The following KIAA1217 variants were observed in gnomAD, a reference collection of about 807,000 sequenced individuals.
KIAA1217 encodes the protein sickle tail protein homolog.
Under a neutral mutation model 163.9 loss-of-function variants are expected in KIAA1217, and 88 were observed. The ratio of observed to expected loss-of-function variants is 0.54; its 90% confidence interval spans 0.45 to 0.64. The LOEUF (loss-of-function observed/expected upper bound fraction) is 0.64. Among genes scored for constraint, KIAA1217 ranks in the 30% least tolerant of loss-of-function variants. KIAA1217 has a pLI of 0.00. For missense variants in KIAA1217, 2,372 were observed against 2,475.0 expected (o/e 0.96, Z 0.88); for synonymous variants, 903 against 923.1 (o/e 0.98, Z 0.39).
chr10:24,008,991 A>G (rs1847130724), intron 2 of KIAA1217, among the ~76,000 whole-genome samples: 1 of 152,194 alleles, frequency 6.6e-6, no homozygotes, highest in Non-Finnish European at 1.5e-5. Context: ...GAGATCAAAG[A>G]GTCAACCTTT....
intron 8 of KIAA1217, 43 bp from the exon 9 acceptor site, chr10:24,501,336 T>C: frequency 1.3e-6 from 2 of 1,578,418 alleles, no homozygotes; most frequent in South Asian, 1.1e-5. Flanking sequence ...GCTTAGACTT[T>C]CCTTTGTGGC....
chr10:23,777,261 TG>T (rs1835046837), intron 1 of KIAA1217, among the ~76,000 whole-genome samples: 1 of 152,240 alleles, frequency 6.6e-6, no homozygotes, highest in Non-Finnish European at 1.5e-5. Context: ...TATACAAGCC[TG>T]GTTTATGTGT....
intron 1 of KIAA1217, among the ~76,000 whole-genome samples, chr10:23,823,424 C>T (rs1189959185): frequency 6.6e-6 from 1 of 152,200 alleles, no homozygotes; most frequent in South Asian, 2.1e-4. Context: ...CTGACTTCCT[C>T]TTTTGCTGCA....
chr10:24,052,724 T>G (rs541821337), intron 2 of KIAA1217, among the ~76,000 whole-genome samples: 1 of 152,290 alleles, frequency 6.6e-6, no homozygotes, highest in African/African-American at 2.4e-5. Flanking sequence ...TGAAAGAGTA[T>G]GTGATTACCT....
At chr10:23,823,205 C>G (rs185750453) in intron 1 of KIAA1217, among the ~76,000 whole-genome samples, 2 of 152,322 alleles carry the variant, frequency 1.3e-5, no homozygotes, top group East Asian at 3.9e-4. Flanking sequence ...GGGAGATCCA[C>G]TTCTAAGCAC....
intron 9 of KIAA1217, among the ~76,000 whole-genome samples, chr10:24,506,828 G>T (rs1439333708): frequency 6.6e-6 from 1 of 152,342 alleles, no homozygotes; most frequent in Non-Finnish European, 1.5e-5. Context: ...AGCTGAAACA[G>T]CTAGAACTGG....
intron 3 of KIAA1217, among the ~76,000 whole-genome samples, chr10:24,388,561 G>T (rs1466380287): frequency 6.6e-6 from 1 of 152,072 alleles, no homozygotes; most frequent in Admixed American, 6.6e-5. Context: ...TGACAAATGG[G>T]ATCTAATTAA....
chr10:23,751,673 A>G (rs567504003), intron 1 of KIAA1217, among the ~76,000 whole-genome samples: 1 of 152,216 alleles, frequency 6.6e-6, no homozygotes, highest in African/African-American at 2.4e-5. Flanking sequence ...GGTCTTGAAA[A>G]TTAAAATAAT....
intron 1 of KIAA1217, among the ~76,000 whole-genome samples, chr10:23,788,098 T>A (rs758805563): frequency 2.0e-5 from 3 of 152,104 alleles, no homozygotes; most frequent in Admixed American, 6.5e-5. Flanking sequence ...CTTGGAAGGC[T>A]GAGTTGGGAG....
Position 24,494,736 on chromosome 10 carries a change from C to T in KIAA1217, c.1784+132C>T, listed in dbSNP as rs111742827. The T allele has an allele frequency of 4.4e-4, 307 of 698,268 alleles. 1 individual carries two copies. The African/African-American group carries it at 4.7e-3, about 11-fold the overall frequency. The allele number at this position is 698,268 out of a possible 1,614,324, so 43.3% of individuals were successfully genotyped here. On this transcript the variant is annotated intron_variant, in intron 7 of 20. Coordinates refer to ENST00000376454, the MANE Select transcript of KIAA1217 (RefSeq NM_019590.5). ...TGAAAATATTCACATCTCTATGGATCATGGGCGTTATTTTTTTGTTTTGGG... is the reference window on the plus strand; with the variant it reads ...TGAAAATATTCACATCTCTATGGATTATGGGCGTTATTTTTTTGTTTTGGG...
intron 2 of KIAA1217, among the ~76,000 whole-genome samples, chr10:24,078,925 C>T (rs1242219360): frequency 6.6e-6 from 1 of 152,190 alleles, no homozygotes; most frequent in Non-Finnish European, 1.5e-5. Flanking sequence ...CAAAGGATCC[C>T]TCGTTAAAAC....
intron 6 of KIAA1217, among the ~76,000 whole-genome samples, chr10:24,494,067 C>T (rs892824193): frequency 1.3e-5 from 2 of 152,228 alleles, no homozygotes; most frequent in Admixed American, 1.3e-4. Flanking sequence ...CCATCATTTA[C>T]ACCAAAACCA....
chr10:24,513,538 T>C (rs2069536566), intron 10 of KIAA1217, 104 bp downstream of exon 10: 2 of 1,052,060 alleles, frequency 1.9e-6, no homozygotes, highest in African/African-American at 1.6e-5. Context: ...CCTCTCTTTA[T>C]TGAGCACCTA....
chr10:24,252,614 G>A (rs79420780), intron 2 of KIAA1217, among the ~76,000 whole-genome samples: 325 of 152,068 alleles, frequency 2.1e-3, no homozygotes, highest in African/African-American at 6.6e-3. Flanking sequence ...CACAAAGATG[G>A]GACAGCTACA....
chr10:23,782,646 T>C (rs1158265774), intron 1 of KIAA1217, among the ~76,000 whole-genome samples: 1 of 152,190 alleles, frequency 6.6e-6, no homozygotes, highest in Non-Finnish European at 1.5e-5. Context: ...TTGGCCAGGC[T>C]GGTCTGGAAC....
At chr10:23,917,543 T>C (rs560961971) in intron 1 of KIAA1217, among the ~76,000 whole-genome samples, 5 of 152,262 alleles carry the variant, frequency 3.3e-5, no homozygotes, top group African/African-American at 1.2e-4. Context: ...CAATAACAGA[T>C]TGGAGATCTG....
chr10:23,723,690 T>C (rs12257023), intron 1 of KIAA1217, among the ~76,000 whole-genome samples: 5,718 of 152,276 alleles, frequency 0.038, 330 homozygotes, highest in African/African-American at 0.13. Flanking sequence ...TGAAATTAGC[T>C]GAATGAGAAT....
intron 9 of KIAA1217, among the ~76,000 whole-genome samples, chr10:24,503,598 A>G (rs1394179024): frequency 6.6e-6 from 1 of 152,214 alleles, no homozygotes; most frequent in East Asian, 1.9e-4. Context: ...TAGAATAAGT[A>G]TCCAGTGTTT....
intron 6 of KIAA1217, among the ~76,000 whole-genome samples, chr10:24,492,686 T>G (rs2066296188): frequency 6.6e-6 from 1 of 152,148 alleles, no homozygotes; most frequent in Non-Finnish European, 1.5e-5. Flanking sequence ...AGATCAGTGT[T>G]ACATATGGCA....
Sources: allele counts gnomAD v4.1 joint callset (sites outside exome capture counted in the v4.1 genomes callset), GRCh38; gene constraint gnomAD v4.1.1; transcripts MANE v1.5; gene names NCBI Gene and HGNC (gene_info 2026-07-23, HGNC 2026-07-21).